WNK1: variants seen among roughly 807,000 people sequenced by gnomAD.
The protein encoded by WNK1 is WNK lysine deficient protein kinase 1.
Under a neutral mutation model 222.8 loss-of-function variants are expected in WNK1, and 38 were observed. The observed-to-expected ratio is 0.17, with a 90% CI of 0.13 to 0.22. The LOEUF (loss-of-function observed/expected upper bound fraction) is 0.22. WNK1 is among the 10% of genes least tolerant of loss of function. WNK1 has a pLI of 1.00. For synonymous variants in WNK1, 1,090 were observed against 1,092.9 expected (o/e 1.00, Z 0.05); for missense variants, 2,348 against 2,918.4 (o/e 0.80, Z 4.50).
intron 15 of WNK1, 135 bp from the exon 16 acceptor site, chr12:883,260 T>G: frequency 8.7e-7 from 1 of 1,151,492 alleles, no homozygotes; most frequent in Non-Finnish European, 1.3e-6. Flanking sequence ...TTGAAGTTCT[T>G]AAAAAGAGAA....
chr12:879,513 C>CTTTTTTTTTTTTTTTTTTTTTTTTTG (rs10717495), intron 10 of WNK1, 60 bp from the exon 11 acceptor site: 5 of 403,330 alleles, frequency 1.2e-5, no homozygotes, highest in South Asian at 3.0e-5. Context: ...GGCAGCCTTG[C>CTTTTTTTTTTTTTTTTTTTTTTTTTG]TTTTTTTTTT....
chr12:865,140 G>GT lies in WNK1; in HGVS notation c.2139+2872dup, dbSNP rs910119961. 1.7e-4 allele frequency: 256 copies of GT among 1,509,226 alleles called. 3 individuals carry two copies. Among genetic ancestry groups the GT allele is most frequent in the Middle Eastern group, 3.4e-4 (2 of 5,890 alleles). 93.5% of individuals were successfully genotyped at this position (1,509,226 alleles called of 1,614,324 possible). On this transcript the variant is annotated intron_variant, in intron 8 of 27. Coordinates refer to ENST00000315939, the MANE Select transcript of WNK1 (RefSeq NM_018979.4). ...TCGTGGCCGTAGCATGTCGGTTTGT[G>GT]TTCCCATCTTTCTGCTGTTGCCTCT...
intron 4 of WNK1, among the ~76,000 whole-genome samples, chr12:845,510 A>C (rs970043507): frequency 3.9e-5 from 6 of 152,218 alleles, no homozygotes; most frequent in African/African-American, 1.4e-4. Context: ...TTTGTATTTA[A>C]CAGCTCAGGA....
At chr12:779,338 C>T (rs77936233) in intron 1 of WNK1, among the ~76,000 whole-genome samples, 17,932 of 151,188 alleles carry the variant, frequency 0.12, 1,720 homozygotes, top group African/African-American at 0.26. Flanking sequence ...TGCACAGACA[C>T]ACTATAAATT....
rs762828181 is a variant in WNK1, at chr12:882,010, A to G, written c.3309A>G (p.Arg1103=). 1 of 1,614,164 alleles carries G rather than the reference A, an allele frequency of 6.2e-7. No homozygotes were observed. The highest frequency in any genetic ancestry group is 8.5e-7 in the Non-Finnish European group (1 of 1,180,020). The part of the protein sequence containing the change: ...HEGRTTKRHY[R]KSVRSRSRHE... ...GAAGAACTACAAAACGGCATTACCGAAAATCTGTAAGGAGTCGCTCTCGAC... is the reference window on the plus strand; with the variant it reads ...GAAGAACTACAAAACGGCATTACCGGAAATCTGTAAGGAGTCGCTCTCGAC... Residue 1103 remains arginine, a synonymous_variant, in exon 14 of 28, where the codon CGA becomes CGG. Coordinates refer to ENST00000315939, the MANE Select transcript of WNK1 (RefSeq NM_018979.4).
chr12:887,451 A>G (rs1446316000), intron 20 of WNK1, 147 bp downstream of exon 20: 2 of 759,504 alleles, frequency 2.6e-6, no homozygotes, highest in South Asian at 1.6e-5. Context: ...CCAATGACCC[A>G]GTTCCTACTT....
intron 1 of WNK1, among the ~76,000 whole-genome samples, chr12:776,622 G>A (rs772121185): frequency 6.6e-6 from 1 of 152,060 alleles, no homozygotes; most frequent in African/African-American, 2.4e-5. Context: ...AGGAGAGACA[G>A]GGTTTCACCA....
chr12:897,207 A>G (rs1954827358), intron 24 of WNK1, among the ~76,000 whole-genome samples: 2 of 152,102 alleles, frequency 1.3e-5, no homozygotes, highest in African/African-American at 4.8e-5. Flanking sequence ...AAATTCAGCT[A>G]TTGTGTGCGT....
At chr12:846,073 T>C (rs1950004411) in intron 4 of WNK1, among the ~76,000 whole-genome samples, 1 of 152,194 alleles carries the variant, frequency 6.6e-6, no homozygotes, top group Non-Finnish European at 1.5e-5. Context: ...ATACAAACAT[T>C]AACATTATTT....
Position 814,760 on chromosome 12 carries a change from G to C in WNK1, c.932+946G>C, listed in dbSNP as rs1947205810. ...CTGGTGCGGGGGTGGGGCTGGGGAA[G>C]TTTGGAATGATTCAAGCACATTACA... On this transcript the variant is annotated intron_variant, in intron 2 of 27. Transcript: ENST00000315939. Among the ~76,000 whole-genome samples, 3 of 152,190 alleles carry C rather than the reference G, an allele frequency of 2.0e-5. No individual in the cohort carries two copies. In the South Asian group the frequency reaches 6.2e-4, roughly 32 times the overall value.
At chr12:841,196 A>G (rs940862271) in intron 4 of WNK1, among the ~76,000 whole-genome samples, 1 of 152,208 alleles carries the variant, frequency 6.6e-6, no homozygotes, top group South Asian at 2.1e-4. Context: ...AGTTATCACT[A>G]CTAATTCCAG....
chr12:760,214 A>G (rs1206710558), intron 1 of WNK1, among the ~76,000 whole-genome samples: 1 of 148,018 alleles, frequency 6.8e-6, no homozygotes, highest in East Asian at 1.9e-4. Context: ...ATGTATCTAG[A>G]AAGCATATTT....
chr12:833,011 T>C (rs1482082338), intron 4 of WNK1, among the ~76,000 whole-genome samples: 1 of 148,232 alleles, frequency 6.7e-6, no homozygotes, highest in East Asian at 1.9e-4. Context: ...ATTTACATTC[T>C]CTCTTTTTTT....
At chr12:861,882 G>C (rs1247349109) in intron 7 of WNK1, among the ~76,000 whole-genome samples, 1 of 152,182 alleles carries the variant, frequency 6.6e-6, no homozygotes, top group Non-Finnish European at 1.5e-5. Flanking sequence ...GTAAGATTCT[G>C]TGATAGCCAT....
rs1565600344 is a variant in WNK1, at chr12:894,573, AAAG to A, written c.5525_5527del (p.Glu1842del). ...TGTATTTGTTTCAGTTTCTCAAGTC[AAAG>A]AAGGCCCTGTCCTAGCAACTAGTTC... is the stretch of plus-strand genomic sequence containing the variant. On this transcript the variant is annotated inframe_deletion, in exon 23 of 28. Coordinates refer to ENST00000315939, the MANE Select transcript of WNK1 (RefSeq NM_018979.4). The A allele has an allele frequency of 6.2e-7, 1 of 1,613,830 alleles. No individual in the cohort carries two copies. Among genetic ancestry groups the A allele is most frequent in the Non-Finnish European group, 8.5e-7 (1 of 1,179,894 alleles).
At position 890,533 on chromosome 12, in the gene WNK1, C is replaced by T. The variant is rs1954121234; in HGVS notation, c.5509+20C>T. 1.9e-6 allele frequency: 3 copies of T among 1,613,424 alleles called. No homozygotes were observed. The highest frequency in any genetic ancestry group is 1.7e-5 in the Admixed American group (1 of 59,990). ...AGGGTGGTGAGAAACATCCTTCCTC[C>T]TTTTATATTACTAATTCCAGCCCTA... On this transcript the variant is annotated intron_variant, in intron 22 of 27. Coordinates refer to ENST00000315939, the MANE Select transcript of WNK1 (RefSeq NM_018979.4).
intron 4 of WNK1, among the ~76,000 whole-genome samples, chr12:856,020 A>C (rs571182497): frequency 1.3e-5 from 2 of 151,496 alleles, no homozygotes; most frequent in Non-Finnish European, 2.9e-5. Context: ...TTGTATTTTT[A>C]GTAGAGACGG....
At chr12:835,818 ATGGCATG>A (rs1022071298) in intron 4 of WNK1, among the ~76,000 whole-genome samples, 3 of 152,066 alleles carry the variant, frequency 2.0e-5, no homozygotes, top group African/African-American at 7.2e-5. Flanking sequence ...GCTGGGCATG[ATGGCATG>A]TGCCTGTAGT....
rs1471775226 is a variant in WNK1, at chr12:896,758, A to C, written c.6245+26A>C. On this transcript the variant is annotated intron_variant, in intron 24 of 27. Transcript: ENST00000315939. Reference sequence around the variant, plus strand: ...GTAAGTATATTTTCTCTTGTGAAAGAATGTCAGATAAGGTTTTCAGACCTA... The same window carrying C: ...GTAAGTATATTTTCTCTTGTGAAAGCATGTCAGATAAGGTTTTCAGACCTA... 4.4e-6 allele frequency: 7 copies of C among 1,605,668 alleles called. No individual in the cohort carries two copies. In the Admixed American group the frequency reaches 6.8e-5, roughly 16 times the overall value.
Sources: allele counts gnomAD v4.1 joint callset (sites outside exome capture counted in the v4.1 genomes callset), GRCh38; gene constraint gnomAD v4.1.1; transcripts MANE v1.5; gene names NCBI Gene and HGNC (gene_info 2026-07-23, HGNC 2026-07-21).